Variants in CCDC50 observed in about 807,000 individuals in gnomAD.
CCDC50 encodes coiled-coil domain-containing protein 50.
CCDC50 carries 54 observed loss-of-function variants against 70.2 expected under a neutral mutation model. That is an observed-to-expected ratio of 0.77 (90% CI 0.62 to 0.96). The LOEUF (loss-of-function observed/expected upper bound fraction) is 0.96, where lower values mean the gene tolerates loss of function less well. CCDC50 is among the 50% of genes least tolerant of loss of function. The pLI is 0.00. For synonymous variants in CCDC50, 216 were observed against 198.8 expected (o/e 1.09, Z -0.73); for missense variants, 558 against 578.7 (o/e 0.96, Z 0.37).
At chr3:191,357,050 A>T (rs1249544370) in intron 1 of CCDC50, 38 bp from the exon 2 acceptor site, 3 of 1,333,068 alleles carry the variant, frequency 2.3e-6, no homozygotes, top group East Asian at 2.3e-5. Flanking sequence ...AGTATTACTA[A>T]TGAGCCTTCC....
chr3:191,347,546 C>T (rs1711968728), intron 1 of CCDC50, among the ~76,000 whole-genome samples: 1 of 142,292 alleles, frequency 7.0e-6, no homozygotes, highest in Non-Finnish European at 1.6e-5. Flanking sequence ...AACAGTGCCA[C>T]TCATTTAACT....
chr3:191,347,158 G>A (rs892922218), intron 1 of CCDC50, among the ~76,000 whole-genome samples: 1 of 142,162 alleles, frequency 7.0e-6, no homozygotes, highest in African/African-American at 2.5e-5. Flanking sequence ...GTTTATTGCA[G>A]GATAATTAAC....
chr3:191,364,147 C>A (rs1292210617), intron 4 of CCDC50, among the ~76,000 whole-genome samples: 1 of 151,750 alleles, frequency 6.6e-6, no homozygotes, highest in African/African-American at 2.4e-5. Flanking sequence ...TCGCTCACTG[C>A]AACCACTGCC....
chr3:191,388,408 C>T (rs373772230), intron 10 of CCDC50, among the ~76,000 whole-genome samples: 2 of 152,082 alleles, frequency 1.3e-5, no homozygotes, highest in Non-Finnish European at 2.9e-5. Context: ...GATTATTTAC[C>T]TCATCTAACC....
At position 191,389,468 on chromosome 3, in the gene CCDC50, G is replaced by A. The variant is rs948932201; in HGVS notation, c.1323-28G>A. ...AGTTGTAGTAAGCGTTACTTAGAAT[G>A]CCCCTTTAAATTCTGGATTCCTTTT... On this transcript the variant is annotated intron_variant, in intron 10 of 11. Coordinates refer to ENST00000392455, the MANE Select transcript of CCDC50 (RefSeq NM_178335.3). 3 of 1,552,036 alleles carry A rather than the reference G, an allele frequency of 1.9e-6. No homozygotes were observed. The African/African-American group carries it at 4.1e-5, about 21-fold the overall frequency.
chr3:191,356,710 C>G (rs1307476377), intron 1 of CCDC50, among the ~76,000 whole-genome samples: 1 of 152,196 alleles, frequency 6.6e-6, no homozygotes, highest in African/African-American at 2.4e-5. Context: ...ACTCAGTTCT[C>G]TCTCAGTAGC....
chr3:191,343,013 G>T (rs552305246), intron 1 of CCDC50, among the ~76,000 whole-genome samples: 10 of 152,252 alleles, frequency 6.6e-5, no homozygotes, highest in South Asian at 6.2e-4. Context: ...AACTGTGTGG[G>T]TCCATTTATA....
chr3:191,382,818 C>G lies in CCDC50; in HGVS notation c.1315C>G (p.Pro439Ala). 6.2e-7 allele frequency: 1 copy of G among 1,610,564 alleles called. No individual in the cohort carries two copies. The highest frequency in any genetic ancestry group is 8.5e-7 in the Non-Finnish European group (1 of 1,177,044). Residue 439 changes from proline to alanine, a missense_variant, in exon 10 of 12, where the codon CCA becomes GCA. Physicochemically the swap from Pro to Ala is conservative, Grantham distance 27. Coordinates refer to ENST00000392455, the MANE Select transcript of CCDC50 (RefSeq NM_178335.3). Reference sequence around the variant, plus strand: ...ACCTCACCATTCTAAGAATGAAAGGCCAGCACGGTAAGCTGACACCTGAAA... The same window carrying G: ...ACCTCACCATTCTAAGAATGAAAGGGCAGCACGGTAAGCTGACACCTGAAA... The part of the protein sequence containing the change: ...DEPHHSKNER[P>A]ARPPPPIMTD...
At chr3:191,381,021 T>TCCTAAATATA in intron 9 of CCDC50, 89 bp downstream of exon 9, 1 of 956,922 alleles carries the variant, frequency 1.0e-6, no homozygotes, top group Non-Finnish European at 1.6e-6. Context: ...TGCAAATATA[T>TCCTAAATATA]TTAGGATATA....
chr3:191,386,425 A>G (rs1399341822), intron 10 of CCDC50, among the ~76,000 whole-genome samples: 1 of 152,116 alleles, frequency 6.6e-6, no homozygotes, highest in Non-Finnish European at 1.5e-5. Context: ...GGGTTTCACC[A>G]TCTTGGCAAA....
At chr3:191,370,572 T>C (rs1712877238) in intron 5 of CCDC50, among the ~76,000 whole-genome samples, 1 of 151,028 alleles carries the variant, frequency 6.6e-6, no homozygotes, top group Admixed American at 6.6e-5. Context: ...CACTGCAGCC[T>C]CCCTCTCCAA....
Position 191,398,264 on chromosome 3 carries a change from A to G in CCDC50, c.*6504A>G, listed in dbSNP as rs1392998954. 2 of 152,138 alleles carry G rather than the reference A, an allele frequency of 1.3e-5. No homozygotes were observed. Among genetic ancestry groups the G allele is most frequent in the African/African-American group, 2.4e-5 (1 of 41,420 alleles). The allele number at this position is 152,138 out of a possible 1,614,324, so 9.4% of individuals were successfully genotyped here. ...GTTTTCATGGTTTGTTTTTTACACT[A>G]TATTTCTCATTAGGTTCTTTAAACA... On this transcript the variant is annotated 3_prime_UTR_variant, in exon 12 of 12. Transcript: ENST00000392455.
chr3:191,380,213 A>G lies in CCDC50; in HGVS notation c.1031A>G (p.His344Arg), dbSNP rs1232670600. The G allele has an allele frequency of 6.2e-7, 1 of 1,612,410 alleles. No individual in the cohort carries two copies. The change falls in exon 7 of 12, where the codon CAC becomes CGC. Residue 344 changes from histidine (H) to arginine (R), a missense_variant. Physicochemically the swap from His to Arg is conservative, Grantham distance 29. Transcript: ENST00000392455. ...GTATCTACTCCATCACGAATGGCCC[A>G]CAGGGATCAGGAATGGTATGATGCT... ...EAVSTPSRMA[H>R]RDQEWYDAEI...
chr3:191,358,689 A>G (rs147143015), intron 3 of CCDC50, among the ~76,000 whole-genome samples: 1 of 152,242 alleles, frequency 6.6e-6, no homozygotes, highest in African/African-American at 2.4e-5. Context: ...GGAAATGATT[A>G]TTTCTCAGGT....
intron 1 of CCDC50, 122 bp from the exon 2 acceptor site, chr3:191,356,966 A>C: frequency 1.4e-6 from 1 of 723,880 alleles, no homozygotes. Context: ...AGAATTATAA[A>C]GTGTGTCATT....
chr3:191,374,948 C>G, intron 5 of CCDC50, 114 bp from the exon 6 acceptor site: 1 of 1,097,916 alleles, frequency 9.1e-7, no homozygotes, highest in Non-Finnish European at 1.3e-6. Context: ...GCAATTTTCT[C>G]CATTTTTAAA....
chr3:191,335,796 A>G (rs752465212), intron 1 of CCDC50, among the ~76,000 whole-genome samples: 44 of 152,272 alleles, frequency 2.9e-4, no homozygotes, highest in Non-Finnish European at 4.6e-4. Flanking sequence ...AAGTTCAGCG[A>G]ATAATTTACA....
intron 1 of CCDC50, among the ~76,000 whole-genome samples, chr3:191,334,715 T>C (rs1718087529): frequency 6.6e-6 from 1 of 152,192 alleles, no homozygotes; most frequent in Non-Finnish European, 1.5e-5. Context: ...TCTCTTCCCC[T>C]TCTTTCTTTT....
rs1327810014 is a variant in CCDC50, at chr3:191,392,324, C to G, written c.*564C>G. On this transcript the variant is annotated 3_prime_UTR_variant, in exon 12 of 12. Coordinates refer to ENST00000392455, the MANE Select transcript of CCDC50 (RefSeq NM_178335.3). ...GATGGACTGTAGAGGTTTTGCATTTCTCAGCCCTCCTGGGGAGATTGGCCT... is the reference window on the plus strand; with the variant it reads ...GATGGACTGTAGAGGTTTTGCATTTGTCAGCCCTCCTGGGGAGATTGGCCT... 1 of 154,522 alleles carries G rather than the reference C, an allele frequency of 6.5e-6. No individual in the cohort carries two copies. Among genetic ancestry groups the G allele is most frequent in the East Asian group, 1.9e-4 (1 of 5,248 alleles). 9.6% of individuals were successfully genotyped at this position (154,522 alleles called of 1,614,324 possible).
Sources: gnomAD v4.1 joint callset for allele counts (sites outside exome capture counted in the v4.1 genomes callset) on GRCh38, gnomAD v4.1.1 for gene constraint, MANE v1.5 for transcripts, NCBI Gene and HGNC (gene_info 2026-07-23, HGNC 2026-07-21) for gene names.